CHST11: variants seen among roughly 807,000 people sequenced by gnomAD.
The protein encoded by CHST11 is C4S-1.
Under a neutral mutation model 30.4 loss-of-function variants are expected in CHST11, and 9 were observed. The observed-to-expected ratio is 0.30, with a 90% CI of 0.18 to 0.52. The LOEUF (loss-of-function observed/expected upper bound fraction) is 0.52, where lower values mean the gene tolerates loss of function less well. CHST11 is among the 20% of genes least tolerant of loss of function. The pLI is 0.97. For missense variants in CHST11, 348 were observed against 460.6 expected (o/e 0.76, Z 2.24); for synonymous variants, 152 against 187.8 (o/e 0.81, Z 1.56).
At chr12:104,687,193 C>G (rs1432039378) in intron 2 of CHST11, among the ~76,000 whole-genome samples, 2 of 152,236 alleles carry the variant, frequency 1.3e-5, no homozygotes, top group African/African-American at 4.8e-5. Flanking sequence ...GGGCCCATGC[C>G]CCTCACCAGC....
chr12:104,741,689 A>C (rs2040348389), intron 2 of CHST11, among the ~76,000 whole-genome samples: 1 of 152,228 alleles, frequency 6.6e-6, no homozygotes, highest in South Asian at 2.1e-4. Context: ...TTAAGTCGCC[A>C]TGAGCCAGGC....
chr12:104,652,727 C>T (rs1216307049), intron 2 of CHST11, among the ~76,000 whole-genome samples: 1 of 152,220 alleles, frequency 6.6e-6, no homozygotes. Flanking sequence ...CAACAGGGCT[C>T]CCGGGTTGAA....
At chr12:104,554,465 G>T (rs1159184138) in intron 1 of CHST11, among the ~76,000 whole-genome samples, 1 of 152,192 alleles carries the variant, frequency 6.6e-6, no homozygotes. Flanking sequence ...ATGGGCTCTG[G>T]TGCTGGTATT....
At chr12:104,652,622 G>A (rs369422183) in intron 2 of CHST11, among the ~76,000 whole-genome samples, 5 of 152,376 alleles carry the variant, frequency 3.3e-5, no homozygotes, top group African/African-American at 1.2e-4. Flanking sequence ...GGTGAGGAAA[G>A]TGGTACATTC....
At chr12:104,605,600 A>T (rs2888827) in intron 2 of CHST11, among the ~76,000 whole-genome samples, 120,603 of 152,214 alleles carry the variant, frequency 0.79, 48,171 homozygotes, top group East Asian at 0.9. Context: ...AAATAAAAAA[A>T]AAAGTTTGGA....
chr12:104,653,960 G>A (rs899296989), intron 2 of CHST11, among the ~76,000 whole-genome samples: 6 of 152,212 alleles, frequency 3.9e-5, no homozygotes, highest in Admixed American at 1.3e-4. Flanking sequence ...GTAGTAAAAC[G>A]TCCCCGACAC....
At chr12:104,484,585 C>T (rs2037658276) in intron 1 of CHST11, among the ~76,000 whole-genome samples, 2 of 152,208 alleles carry the variant, frequency 1.3e-5, no homozygotes, top group South Asian at 4.1e-4. Context: ...GTGAGGTCTA[C>T]ATTTAATGAA....
At chr12:104,656,282 C>T (rs1008384286) in intron 2 of CHST11, among the ~76,000 whole-genome samples, 1 of 152,122 alleles carries the variant, frequency 6.6e-6, no homozygotes, top group Non-Finnish European at 1.5e-5. Context: ...AAAGTCTAGC[C>T]GCATATCACC....
At chr12:104,661,507 G>A (rs987623964) in intron 2 of CHST11, among the ~76,000 whole-genome samples, 1 of 152,198 alleles carries the variant, frequency 6.6e-6, no homozygotes, top group African/African-American at 2.4e-5. Flanking sequence ...TTGGGAGGTT[G>A]AGGTGGGCTT....
At chr12:104,748,609 C>G (rs141779353) in intron 2 of CHST11, among the ~76,000 whole-genome samples, 1 of 151,788 alleles carries the variant, frequency 6.6e-6, no homozygotes, top group African/African-American at 2.4e-5. Flanking sequence ...GAGAGATGGC[C>G]GTGTGAGAAG....
At chr12:104,546,618 G>A (rs2038353607) in intron 1 of CHST11, among the ~76,000 whole-genome samples, 1 of 152,096 alleles carries the variant, frequency 6.6e-6, no homozygotes, top group Non-Finnish European at 1.5e-5. Context: ...GACACAGAAG[G>A]GCATGCAGTC....
At chr12:104,733,598 A>G (rs907965434) in intron 2 of CHST11, among the ~76,000 whole-genome samples, 4 of 152,266 alleles carry the variant, frequency 2.6e-5, no homozygotes, top group Admixed American at 1.3e-4. Flanking sequence ...AGGTGGGTGC[A>G]AAAGTAATTG....
intron 2 of CHST11, among the ~76,000 whole-genome samples, chr12:104,688,395 C>T (rs1034494737): frequency 1.3e-5 from 2 of 152,258 alleles, no homozygotes; most frequent in Middle Eastern, 3.4e-3. Flanking sequence ...AGAAGTAACT[C>T]ACCACTAGTC....
chr12:104,654,838 T>C (rs950242726), intron 2 of CHST11, among the ~76,000 whole-genome samples: 6 of 152,160 alleles, frequency 3.9e-5, no homozygotes, highest in African/African-American at 1.4e-4. Context: ...TTATTTCCAC[T>C]GCCAACATCC....
At chr12:104,653,545 G>C (rs1293033345) in intron 2 of CHST11, among the ~76,000 whole-genome samples, 2 of 152,142 alleles carry the variant, frequency 1.3e-5, no homozygotes, top group African/African-American at 4.8e-5. Context: ...TGAGAGGAAA[G>C]AAAACAAACG....
chr12:104,577,795 C>T (rs540449222), intron 1 of CHST11, among the ~76,000 whole-genome samples: 3 of 152,254 alleles, frequency 2.0e-5, no homozygotes, highest in African/African-American at 4.8e-5. Flanking sequence ...GACTCAAGAC[C>T]GATCTGGTTG....
intron 2 of CHST11, among the ~76,000 whole-genome samples, chr12:104,741,912 A>G (rs1249911382): frequency 3.9e-5 from 6 of 152,212 alleles, no homozygotes; most frequent in Admixed American, 3.3e-4. Context: ...GGGAACCCGC[A>G]TTGCATCAGA....
intron 2 of CHST11, among the ~76,000 whole-genome samples, chr12:104,637,304 A>T (rs78411488): frequency 2.0e-4 from 2 of 10,046 alleles, no homozygotes; most frequent in Non-Finnish European, 4.6e-4. Flanking sequence ...AGACCCTGTA[A>T]AAAAAAAAAA....
At position 104,511,023 on chromosome 12, in the gene CHST11, A is replaced by G. The variant is rs536071823; in HGVS notation, c.118+53494A>G. Among the ~76,000 whole-genome samples the G allele has an allele frequency of 9.2e-5, 14 of 152,282 alleles. No homozygotes were observed. In the East Asian group the frequency reaches 2.5e-3, roughly 27 times the overall value. ...AGCCCAAAACCTTTTGTTTGAAATG[A>G]CCATAAATCAAAGCATTATGGGAGA... On this transcript the variant is annotated intron_variant, in intron 1 of 2. Transcript: ENST00000303694.
Sources: gnomAD v4.1 joint callset for allele counts (sites outside exome capture counted in the v4.1 genomes callset) on GRCh38, gnomAD v4.1.1 for gene constraint, MANE v1.5 for transcripts, NCBI Gene and HGNC (gene_info 2026-07-23, HGNC 2026-07-21) for gene names.